Variants in ANKAR observed in about 807,000 individuals in gnomAD.
The protein encoded by ANKAR is ankyrin and armadillo repeat containing.
In ANKAR, 136 loss-of-function variants were observed where a neutral mutation model predicts 146.2. That is an observed-to-expected ratio of 0.93 (90% CI 0.81 to 1.07). The LOEUF is 1.07. ANKAR is among the 50% of genes least tolerant of loss of function. ANKAR has a pLI of 0.00. For synonymous variants in ANKAR, 500 were observed against 575.8 expected (o/e 0.87, Z 1.88); for missense variants, 1,567 against 1,679.9 (o/e 0.93, Z 1.18).
chr2:189,762,706 C>G (rs1173647187), downstream of ANKAR: 1 of 985,306 alleles, frequency 1.0e-6, no homozygotes, highest in African/African-American at 1.7e-5. Flanking sequence ...GCGGCAGTAG[C>G]TAGCACTTGT....
intron 2 of ANKAR, among the ~76,000 whole-genome samples, chr2:189,686,419 C>A (rs2035604960): frequency 6.6e-6 from 1 of 152,066 alleles, no homozygotes. Flanking sequence ...TCCTCAATTT[C>A]TTTGTAAATG....
At chr2:189,729,303 A>G (rs889104562) in intron 15 of ANKAR, among the ~76,000 whole-genome samples, 1 of 152,196 alleles carries the variant, frequency 6.6e-6, no homozygotes, top group Admixed American at 6.6e-5. Context: ...TGACCCACCA[A>G]AAGTTAAAAT....
At chr2:189,681,215 A>C (rs2034616055) in intron 2 of ANKAR, among the ~76,000 whole-genome samples, 1 of 152,324 alleles carries the variant, frequency 6.6e-6, no homozygotes, top group Admixed American at 6.5e-5. Context: ...TAAAGGTTAG[A>C]TACATATTGA....
chr2:189,682,272 C>T (rs2034818085), intron 2 of ANKAR, among the ~76,000 whole-genome samples: 1 of 151,758 alleles, frequency 6.6e-6, no homozygotes, highest in Non-Finnish European at 1.5e-5. Context: ...CACTCTGCAG[C>T]CTGGGAAACA....
rs764006404 is a variant in ANKAR at position 189,696,412 on chromosome 2, AC to A, written c.1708+46del. ...AACCTAAAATGTTGTTATTTTATTTACCCTTACTCAGCATTAGGAATGCACG... is the reference window on the plus strand; with the variant it reads ...AACCTAAAATGTTGTTATTTTATTTACCTTACTCAGCATTAGGAATGCACG... On this transcript the variant is annotated intron_variant, in intron 7 of 22. Transcript: ENST00000684021. 4 of 1,566,992 alleles carry A rather than the reference AC, an allele frequency of 2.6e-6. No homozygotes were observed. The Admixed American group carries it at 5.5e-5, about 21-fold the overall frequency.
chr2:189,750,753 C>G, downstream of ANKAR: 1 of 827,656 alleles, frequency 1.2e-6, no homozygotes, highest in Non-Finnish European at 1.8e-6. Context: ...GTATAAATAT[C>G]AAATATTTAA....
downstream of ANKAR, chr2:189,762,512 A>T (rs2047249271): frequency 1.2e-6 from 1 of 836,384 alleles, no homozygotes; most frequent in Admixed American, 6.2e-5. Context: ...CTGGACAAGG[A>T]GGATTGTACG....
intron 20 of ANKAR, among the ~76,000 whole-genome samples, chr2:189,741,726 C>G (rs1256702418): frequency 2.0e-5 from 3 of 151,992 alleles, no homozygotes; most frequent in Non-Finnish European, 4.4e-5. Context: ...AACCCTAAGA[C>G]TTAAAATTAG....
At chr2:189,710,973 T>C in intron 9 of ANKAR, 76 bp from the exon 10 acceptor site, 2 of 1,264,546 alleles carry the variant, frequency 1.6e-6, no homozygotes, top group Non-Finnish European at 2.3e-6. Flanking sequence ...ATTTAGCTGG[T>C]ACAAAAAACA....
intron 2 of ANKAR, among the ~76,000 whole-genome samples, chr2:189,688,183 T>C (rs1462055884): frequency 6.6e-6 from 1 of 152,202 alleles, no homozygotes; most frequent in Non-Finnish European, 1.5e-5. Flanking sequence ...TATACATGGA[T>C]ATCCAGTTTT....
chr2:189,716,479 A>G (rs1343786711), intron 10 of ANKAR, among the ~76,000 whole-genome samples: 3 of 152,172 alleles, frequency 2.0e-5, no homozygotes, highest in Non-Finnish European at 2.9e-5. Context: ...GCTCATGGAT[A>G]GGAAGAATCA....
intron 18 of ANKAR, chr2:189,753,050 G>A: frequency 7.3e-7 from 1 of 1,368,166 alleles, no homozygotes; most frequent in South Asian, 1.5e-5. Flanking sequence ...TAAACCTGGA[G>A]AAAAATATCA....
intron 12 of ANKAR, among the ~76,000 whole-genome samples, chr2:189,723,534 C>A (rs952726944): frequency 2.0e-5 from 3 of 151,662 alleles, no homozygotes; most frequent in African/African-American, 7.3e-5. Flanking sequence ...CATTTTTTTT[C>A]TTGGAATGAT....
In ANKAR at chr2:189,720,681, A is replaced by C; in HGVS notation, c.2529A>C (p.Val843=). 7.0e-7 allele frequency: 1 copy of C among 1,434,104 alleles called. No individual in the cohort carries two copies. Among genetic ancestry groups the C allele is most frequent in the Non-Finnish European group, 9.2e-7 (1 of 1,088,612 alleles). The allele number at this position is 1,434,104 out of a possible 1,614,324, so 88.8% of individuals were successfully genotyped here. A position where few individuals can be genotyped will look rare whatever the true frequency, so the allele number is the denominator to read the frequency against. The change falls in exon 12 of 23, where the codon GTA becomes GTC. Residue 843 remains valine (V), a synonymous_variant. Coordinates refer to ENST00000684021, the MANE Select transcript of ANKAR (RefSeq NM_001378068.1). ...ACATAGAAAATGTGCTAGTAAATGT[A>C]ATGAACTGTATACGGGTATTGTGTA... ...NLNIENVLVN[V]MNCIRVLCIG... is the part of the protein sequence containing the mutation.
chr2:189,738,337 A>C lies in ANKAR; in HGVS notation c.3583-228A>C, dbSNP rs76636108. ...TATTGAAAGGGTGCAAAAGTTGCAA[A>C]CATTGTAGGAAGAATAATAGTACCC... is the stretch of plus-strand genomic sequence containing the variant. On this transcript the variant is annotated intron_variant, in intron 18 of 22. Coordinates refer to ENST00000684021, the MANE Select transcript of ANKAR (RefSeq NM_001378068.1). Among the ~76,000 whole-genome samples the C allele has an allele frequency of 3.0e-4, 45 of 152,240 alleles. No homozygotes were observed. In the East Asian group the frequency reaches 8.3e-3, roughly 28 times the overall value.
intron 18 of ANKAR, chr2:189,755,193 G>A (rs753850735): frequency 1.2e-6 from 2 of 1,609,078 alleles, no homozygotes; most frequent in Admixed American, 3.4e-5. Context: ...ATGTCACCTG[G>A]TGCTATGTCC....
intron 18 of ANKAR, among the ~76,000 whole-genome samples, chr2:189,758,875 C>T (rs546544207): frequency 9.9e-5 from 15 of 152,150 alleles, no homozygotes; most frequent in Non-Finnish European, 1.9e-4. Context: ...GATGGGAGTA[C>T]CTAATTTAGA....
chr2:189,692,870 C>T, intron 4 of ANKAR: 1 of 330,868 alleles, frequency 3.0e-6, no homozygotes, highest in South Asian at 8.7e-5. Flanking sequence ...GCTTTTCTAC[C>T]TTCTGTATAC....
intron 18 of ANKAR, among the ~76,000 whole-genome samples, chr2:189,758,054 C>T (rs1475081524): frequency 6.6e-6 from 1 of 151,986 alleles, no homozygotes; most frequent in Non-Finnish European, 1.5e-5. Flanking sequence ...GGTACTGTGT[C>T]GCGATAGTCA....
Sources: gnomAD v4.1 joint callset for allele counts (sites outside exome capture counted in the v4.1 genomes callset) on GRCh38, gnomAD v4.1.1 for gene constraint, MANE v1.5 for transcripts, NCBI Gene and HGNC (gene_info 2026-07-23, HGNC 2026-07-21) for gene names.